The following GTF2E2 variants were observed in gnomAD, a reference collection of about 807,000 sequenced individuals.
GTF2E2 encodes general transcription factor IIE subunit 2, also known as transcription initiation factor IIE subunit beta.
Under a neutral mutation model 40.5 loss-of-function variants are expected in GTF2E2, and 21 were observed. The observed-to-expected ratio is 0.52, with a 90% CI of 0.37 to 0.75. GTF2E2 has a LOEUF of 0.75. GTF2E2 is among the 30% of genes least tolerant of loss of function. The pLI is 0.00. For missense variants in GTF2E2, 298 were observed against 338.4 expected (o/e 0.88, Z 0.94); for synonymous variants, 117 against 121.6 (o/e 0.96, Z 0.25).
intron 3 of GTF2E2, among the ~76,000 whole-genome samples, chr8:30,622,680 G>A (rs941163675): frequency 1.3e-5 from 2 of 152,056 alleles, no homozygotes; most frequent in African/African-American, 4.8e-5. Flanking sequence ...GACCATAGAA[G>A]ATGGCCACAG....
chr8:30,599,591 A>AAC (rs1554554008), intron 6 of GTF2E2, among the ~76,000 whole-genome samples: 69 of 150,768 alleles, frequency 4.6e-4, no homozygotes, highest in African/African-American at 7.3e-4. Context: ...AAAAAAAAAA[A>AAC]AAAAACTTCC....
intron 1 of GTF2E2, chr8:30,656,969 G>A (rs567871325): frequency 6.6e-6 from 1 of 152,298 alleles, no homozygotes; most frequent in South Asian, 2.1e-4. Context: ...AGGTCGCACA[G>A]ATGGAAGAGC....
chr8:30,650,108 AC>A (rs1039822730), intron 2 of GTF2E2, among the ~76,000 whole-genome samples: 5 of 152,168 alleles, frequency 3.3e-5, no homozygotes, highest in Non-Finnish European at 5.9e-5. Context: ...GGCCAGAATT[AC>A]CCTGAGAGGC....
At chr8:30,623,178 C>T (rs1215264078) in intron 3 of GTF2E2, among the ~76,000 whole-genome samples, 1 of 152,046 alleles carries the variant, frequency 6.6e-6, no homozygotes, top group Non-Finnish European at 1.5e-5. Context: ...ATGAAATCTT[C>T]ACAATCCACG....
chr8:30,612,099 G>A (rs867007112), intron 5 of GTF2E2, among the ~76,000 whole-genome samples, 200 bp downstream of exon 5: 16 of 152,148 alleles, frequency 1.1e-4, no homozygotes, highest in African/African-American at 2.4e-4. Context: ...ACAAGAACCC[G>A]TCAAAGTTAC....
intron 2 of GTF2E2, among the ~76,000 whole-genome samples, chr8:30,649,778 A>G (rs1802210810): frequency 6.6e-6 from 1 of 152,242 alleles, no homozygotes; most frequent in Non-Finnish European, 1.5e-5. Flanking sequence ...GTCTCAAAAA[A>G]AATGAGAGGG....
At chr8:30,640,399 G>C (rs192752081) in intron 2 of GTF2E2, among the ~76,000 whole-genome samples, 74 of 151,934 alleles carry the variant, frequency 4.9e-4, no homozygotes, top group African/African-American at 1.7e-3. Context: ...ATATCAAATG[G>C]GAGTAAACAT....
chr8:30,590,214 C>G lies in GTF2E2; in HGVS notation c.644-9818G>C, dbSNP rs537157832. 1.2e-4 allele frequency among the ~76,000 whole-genome samples: 18 copies of G among 152,278 alleles called. No homozygotes were observed. The South Asian group carries it at 3.7e-3, about 32-fold the overall frequency. ...CATGTCCCTTTCGAATCTGGCTTCCCTCATGAGGCACGATGCCTCTGAGAT... is the reference window on the plus strand; with the variant it reads ...CATGTCCCTTTCGAATCTGGCTTCCGTCATGAGGCACGATGCCTCTGAGAT... On this transcript the variant is annotated intron_variant, in intron 6 of 7. Coordinates refer to ENST00000355904, the MANE Select transcript of GTF2E2 (RefSeq NM_002095.6).
chr8:30,648,247 T>A (rs1802162420), intron 2 of GTF2E2, among the ~76,000 whole-genome samples: 1 of 152,192 alleles, frequency 6.6e-6, no homozygotes, highest in Admixed American at 6.5e-5. Context: ...AACAGTATGA[T>A]ACCACACCTA....
chr8:30,609,702 C>G (rs551065648), intron 5 of GTF2E2, among the ~76,000 whole-genome samples: 73 of 152,154 alleles, frequency 4.8e-4, no homozygotes, highest in Non-Finnish European at 9.0e-4. Flanking sequence ...GATCTGTGTC[C>G]CCATCAAATC....
chr8:30,593,111 T>C (rs921725742), intron 6 of GTF2E2, among the ~76,000 whole-genome samples: 6 of 152,294 alleles, frequency 3.9e-5, no homozygotes, highest in Admixed American at 3.9e-4. Context: ...GGAGAATCAC[T>C]TGAACCCGGG....
intron 4 of GTF2E2, among the ~76,000 whole-genome samples, chr8:30,613,902 ATG>A (rs1800820167): frequency 6.6e-6 from 1 of 152,180 alleles, no homozygotes; most frequent in African/African-American, 2.4e-5. Context: ...TCTTCAAATG[ATG>A]TGTGTTCATA....
chr8:30,650,034 C>CA (rs1259395377), intron 2 of GTF2E2, among the ~76,000 whole-genome samples: 3 of 152,060 alleles, frequency 2.0e-5, no homozygotes, highest in Non-Finnish European at 4.4e-5. Context: ...TAAAAAATAA[C>CA]AAAGTTTCAC....
intron 3 of GTF2E2, among the ~76,000 whole-genome samples, chr8:30,633,581 C>T (rs544207745): frequency 1.4e-4 from 22 of 152,288 alleles, no homozygotes; most frequent in African/African-American, 5.3e-4. Flanking sequence ...AGTAAAAATT[C>T]TGAAGTTCAC....
At chr8:30,585,636 G>A (rs1828659389) in intron 6 of GTF2E2, among the ~76,000 whole-genome samples, 1 of 151,998 alleles carries the variant, frequency 6.6e-6, no homozygotes, top group African/African-American at 2.4e-5. Flanking sequence ...TGTATTGCTA[G>A]TGTAAAATTT....
At chr8:30,592,151 G>A (rs1236799046) in intron 6 of GTF2E2, among the ~76,000 whole-genome samples, 1 of 152,120 alleles carries the variant, frequency 6.6e-6, no homozygotes, top group Non-Finnish European at 1.5e-5. Context: ...GCTGAGGTAG[G>A]CAGATCACTT....
intron 3 of GTF2E2, among the ~76,000 whole-genome samples, chr8:30,634,283 T>C (rs904615315): frequency 6.6e-6 from 1 of 152,010 alleles, no homozygotes; most frequent in African/African-American, 2.4e-5. Flanking sequence ...CTTCGTCTCT[T>C]CTAAAAATAA....
At chr8:30,653,128 T>C (rs1325229691) in intron 2 of GTF2E2, among the ~76,000 whole-genome samples, 1 of 152,168 alleles carries the variant, frequency 6.6e-6, no homozygotes, top group Non-Finnish European at 1.5e-5. Flanking sequence ...TGGACTGTAA[T>C]AACAGCTGCA....
In GTF2E2 at chr8:30,639,336, G is replaced by A. The variant is rs151165548; in HGVS notation, c.167-4213C>T. Reference sequence around the variant, plus strand: ...TTCTTCACTGTGAAATTTCTCTCTCGTAATATAAAGTCATGCTATTAAACA... The same window carrying A: ...TTCTTCACTGTGAAATTTCTCTCTCATAATATAAAGTCATGCTATTAAACA... On this transcript the variant is annotated intron_variant, in intron 2 of 7. Transcript: ENST00000355904. Among the ~76,000 whole-genome samples the A allele has an allele frequency of 1.3e-3, 201 of 152,064 alleles. 3 individuals are homozygous for A. The highest frequency in any genetic ancestry group is 0.011 in the Admixed American group (162 of 15,278).
Sources: gnomAD v4.1 joint callset for allele counts (sites outside exome capture counted in the v4.1 genomes callset) on GRCh38, gnomAD v4.1.1 for gene constraint, MANE v1.5 for transcripts, NCBI Gene and HGNC (gene_info 2026-07-23, HGNC 2026-07-21) for gene names.